FAM13A: variants seen among roughly 807,000 people sequenced by gnomAD.
The protein encoded by FAM13A is protein FAM13A.
In FAM13A, 76 loss-of-function variants were observed where a neutral mutation model predicts 129.6. The ratio of observed to expected loss-of-function variants is 0.59; its 90% CI spans 0.49 to 0.71. FAM13A has a LOEUF of 0.71. Ranked by LOEUF, FAM13A falls within the 30% of genes least tolerant of loss-of-function variation. The pLI, the probability that FAM13A is intolerant of heterozygous loss-of-function variation, is 0.00. For missense variants in FAM13A, 1,108 were observed against 1,249.3 expected (o/e 0.89, Z 1.70); for synonymous variants, 443 against 449.9 (o/e 0.98, Z 0.20).
At chr4:88,878,307 A>G (rs954375756) in intron 6 of FAM13A, among the ~76,000 whole-genome samples, 20 of 150,590 alleles carry the variant, frequency 1.3e-4, no homozygotes, top group Non-Finnish European at 2.7e-4. Context: ...AAAAAAAAAA[A>G]AAAAAAAAAG....
chr4:88,750,646 T>C lies in FAM13A; in HGVS notation c.1727-9A>G, dbSNP rs368245845. The C allele has an allele frequency of 5.7e-6, 9 of 1,567,282 alleles. No homozygotes were observed. The highest frequency in any genetic ancestry group is 6.9e-6 in the Non-Finnish European group (8 of 1,166,186). ...GAAAGCAGGGATAGGCTCTGGAAGATAAGGGCAGTAAGATCAGGACTGTTC... is the reference window on the plus strand; with the variant it reads ...GAAAGCAGGGATAGGCTCTGGAAGACAAGGGCAGTAAGATCAGGACTGTTC... On this transcript the variant is annotated splice_polypyrimidine_tract_variant and intron_variant, in intron 14 of 23. Transcript: ENST00000264344.
chr4:88,823,396 C>CT, intron 7 of FAM13A: 2 of 901,472 alleles, frequency 2.2e-6, no homozygotes, highest in African/African-American at 3.6e-5. Flanking sequence ...TCCTCCTTCT[C>CT]TCCTCCTGCT....
At chr4:88,889,863 G>C (rs1394568567) in intron 6 of FAM13A, among the ~76,000 whole-genome samples, 3 of 152,156 alleles carry the variant, frequency 2.0e-5, no homozygotes, top group Non-Finnish European at 4.4e-5. Context: ...GAAATACACT[G>C]ATTTTGAACA....
chr4:88,785,337 T>C (rs945092065), intron 10 of FAM13A, among the ~76,000 whole-genome samples: 3 of 152,164 alleles, frequency 2.0e-5, no homozygotes, highest in African/African-American at 7.2e-5. Flanking sequence ...AAATCTTAAA[T>C]GAATCAATTG....
chr4:89,052,606 G>A (rs1217883018), intron 1 of FAM13A, among the ~76,000 whole-genome samples: 3 of 151,802 alleles, frequency 2.0e-5, no homozygotes, highest in Non-Finnish European at 2.9e-5. Context: ...AACTGCCTTT[G>A]GGGTAATTCT....
At position 88,781,896 on chromosome 4, in the gene FAM13A, C is replaced by T. The variant is rs575063172; in HGVS notation, c.1272-545G>A. Reference sequence around the variant, plus strand: ...AGGAGATATACCTAATGCTAAATGACGAGTTAATGGGTGCAGCACACCAAC... The same window carrying T: ...AGGAGATATACCTAATGCTAAATGATGAGTTAATGGGTGCAGCACACCAAC... On this transcript the variant is annotated intron_variant, in intron 10 of 23. Transcript: ENST00000264344. Among the ~76,000 whole-genome samples, 466 of 150,562 alleles carry T rather than the reference C, an allele frequency of 3.1e-3. 1 individual carries two copies. Among genetic ancestry groups the T allele is most frequent in the Non-Finnish European group, 4.3e-3 (292 of 67,664 alleles).
At chr4:88,945,998 A>G (rs201757233) in intron 4 of FAM13A, among the ~76,000 whole-genome samples, 34,991 of 69,868 alleles carry the variant, frequency 0.5, 6,770 homozygotes, top group Admixed American at 0.53. Context: ...GTGTATATAT[A>G]TATATATATA....
intron 3 of FAM13A, among the ~76,000 whole-genome samples, chr4:89,004,908 T>A (rs1414462422): frequency 6.9e-6 from 1 of 144,498 alleles, no homozygotes; most frequent in Non-Finnish European, 1.5e-5. Context: ...TTTCTAGAAA[T>A]TTTTTTTTTA....
chr4:88,835,486 G>C (rs1019220751), intron 7 of FAM13A, among the ~76,000 whole-genome samples: 1 of 152,048 alleles, frequency 6.6e-6, no homozygotes, highest in Non-Finnish European at 1.5e-5. Context: ...GGTAGTTTCA[G>C]GATGATTCAA....
intron 11 of FAM13A, among the ~76,000 whole-genome samples, chr4:88,771,151 A>ATT (rs10674716): frequency 0.036 from 5,234 of 143,496 alleles, 338 homozygotes; most frequent in African/African-American, 0.12. Flanking sequence ...CCCGGAAAGC[A>ATT]TTTTTTTTTT....
intron 6 of FAM13A, among the ~76,000 whole-genome samples, chr4:88,876,449 ACT>A (rs1488157700): frequency 6.6e-6 from 1 of 152,096 alleles, no homozygotes; most frequent in Non-Finnish European, 1.5e-5. Context: ...ATAAAAAGCA[ACT>A]CTGCCCAATA....
chr4:88,978,193 C>T (rs1287077696), intron 4 of FAM13A, among the ~76,000 whole-genome samples: 1 of 152,154 alleles, frequency 6.6e-6, no homozygotes, highest in Non-Finnish European at 1.5e-5. Context: ...TTGCCTAGTT[C>T]TCAGTTTTAA....
Position 88,767,608 on chromosome 4 carries a change from GCAA to G in FAM13A, c.1536-16_1536-14del, listed in dbSNP as rs778063125. ...TTCATTTCCTTTCCTATAAATAATG[GCAA>G]CAACAAAAAAATCATAAAATATCTA... On this transcript the variant is annotated splice_polypyrimidine_tract_variant and intron_variant, in intron 12 of 23. Coordinates refer to ENST00000264344, the MANE Select transcript of FAM13A (RefSeq NM_014883.4). The G allele has an allele frequency of 1.3e-6, 2 of 1,580,918 alleles. No homozygotes were observed. The highest frequency in any genetic ancestry group is 4.5e-5 in the East Asian group (2 of 44,308).
At chr4:88,826,575 C>G (rs1202431490) in intron 7 of FAM13A, among the ~76,000 whole-genome samples, 1 of 152,034 alleles carries the variant, frequency 6.6e-6, no homozygotes, top group Non-Finnish European at 1.5e-5. Context: ...ACTGCATTCC[C>G]GCTTCAAATC....
chr4:89,005,538 T>A (rs1389845771), intron 3 of FAM13A, among the ~76,000 whole-genome samples: 3 of 152,184 alleles, frequency 2.0e-5, no homozygotes, highest in Non-Finnish European at 4.4e-5. Flanking sequence ...CCATCAACAG[T>A]GTATAAGGAT....
At chr4:89,036,878 C>T (rs1328998259) in intron 1 of FAM13A, among the ~76,000 whole-genome samples, 1 of 152,222 alleles carries the variant, frequency 6.6e-6, no homozygotes, top group Non-Finnish European at 1.5e-5. Context: ...GTGGCTGCCA[C>T]ATATTAAGCC....
intron 6 of FAM13A, among the ~76,000 whole-genome samples, chr4:88,895,266 A>G (rs1167340206): frequency 1.3e-5 from 2 of 152,266 alleles, no homozygotes; most frequent in South Asian, 2.1e-4. Context: ...TAACTGGAAA[A>G]AGCAGAATAC....
chr4:88,810,445 TA>T (rs1390822030), intron 7 of FAM13A, among the ~76,000 whole-genome samples: 1 of 152,044 alleles, frequency 6.6e-6, no homozygotes, highest in Non-Finnish European at 1.5e-5. Flanking sequence ...AATGTCCTTA[TA>T]AAAAGGGGAA....
intron 11 of FAM13A, among the ~76,000 whole-genome samples, chr4:88,775,223 C>G (rs1721440012): frequency 6.6e-6 from 1 of 152,054 alleles, no homozygotes; most frequent in South Asian, 2.1e-4. Flanking sequence ...AGACAAAGAG[C>G]CACAAAGTAT....
Sources: allele counts gnomAD v4.1 joint callset (sites outside exome capture counted in the v4.1 genomes callset), GRCh38; gene constraint gnomAD v4.1.1; transcripts MANE v1.5; gene names NCBI Gene and HGNC (gene_info 2026-07-23, HGNC 2026-07-21).